Variants in SLAMF1 observed in about 807,000 individuals in gnomAD.
SLAMF1 encodes the protein signaling lymphocytic activation molecule family member 1.
SLAMF1 carries 18 observed loss-of-function variants against 35.1 expected under a neutral mutation model. That is an observed-to-expected ratio of 0.51 (90% CI 0.35 to 0.76). SLAMF1 has a LOEUF of 0.76. Among genes scored for constraint, SLAMF1 ranks in the 30% least tolerant of loss-of-function variants. The pLI is 0.01. For synonymous variants in SLAMF1, 168 were observed against 157.2 expected (o/e 1.07, Z -0.51); for missense variants, 392 against 413.0 (o/e 0.95, Z 0.44).
intron 1 of SLAMF1, among the ~76,000 whole-genome samples, chr1:160,645,852 C>T (rs1339007622): frequency 5.3e-5 from 8 of 152,136 alleles, no homozygotes; most frequent in East Asian, 3.8e-4. Flanking sequence ...TGGCATATCA[C>T]GGTGCTTTTC....
chr1:160,634,274 G>A lies in SLAMF1; in HGVS notation c.700+339C>T, dbSNP rs150622182. On this transcript the variant is annotated intron_variant, in intron 3 of 6. Coordinates refer to ENST00000302035, the MANE Select transcript of SLAMF1 (RefSeq NM_003037.5). ...CCAGCATTAGTGGAGCATAGACTTGGGAGCCAGGCCCTCCCACCTGCAATC... is the reference window on the plus strand; with the variant it reads ...CCAGCATTAGTGGAGCATAGACTTGAGAGCCAGGCCCTCCCACCTGCAATC... 7.1e-3 allele frequency: 1,897 copies of A among 268,722 alleles called. 131 individuals are homozygous for A. The Admixed American group carries it at 0.11, about 16-fold the overall frequency. The allele number at this position is 268,722 out of a possible 1,614,324, so 16.6% of individuals were successfully genotyped here. A position where few individuals can be genotyped will look rare whatever the true frequency, so the allele number is the denominator to read the frequency against.
At chr1:160,631,303 G>A (rs1035119679) in intron 3 of SLAMF1, among the ~76,000 whole-genome samples, 9 of 152,188 alleles carry the variant, frequency 5.9e-5, no homozygotes, top group Non-Finnish European at 1.2e-4. Context: ...GGAAGGTCTG[G>A]TCCCCTATCC....
chr1:160,636,064 A>T (rs189752033), intron 2 of SLAMF1, among the ~76,000 whole-genome samples: 1 of 152,248 alleles, frequency 6.6e-6, no homozygotes, highest in African/African-American at 2.4e-5. Flanking sequence ...GAAAAATGCC[A>T]TGGTTGCAGA....
Position 160,642,038 on chromosome 1 carries a change from A to AT in SLAMF1, c.77-4510dup, listed in dbSNP as rs35866477. On this transcript the variant is annotated intron_variant, in intron 1 of 6. Transcript: ENST00000302035. This position sits in a 1 kb window ranked among gnomAD's most constrained non-coding sequence, Gnocchi z 4.2. ...AACTCTTTTTGTTTTATTGTATTAT[A>AT]TTTTTTTGCCTAGCCCTGACACTTT... 2.6e-5 allele frequency among the ~76,000 whole-genome samples: 4 copies of AT among 152,076 alleles called. No individual in the cohort carries two copies. Among genetic ancestry groups the AT allele is most frequent in the Admixed American group, 6.5e-5 (1 of 15,268 alleles).
At chr1:160,629,441 G>A (rs751576212) in intron 3 of SLAMF1, among the ~76,000 whole-genome samples, 3 of 152,140 alleles carry the variant, frequency 2.0e-5, no homozygotes, top group Non-Finnish European at 4.4e-5. Flanking sequence ...TTAGCGTAAC[G>A]GTGGGAGCGT....
chr1:160,631,537 G>T (rs998898247), intron 3 of SLAMF1, among the ~76,000 whole-genome samples: 1 of 152,098 alleles, frequency 6.6e-6, no homozygotes, highest in Admixed American at 6.6e-5. Flanking sequence ...GAATATGACC[G>T]TATTTGGAGG....
intron 6 of SLAMF1, 80 bp downstream of exon 6, chr1:160,612,408 C>T: frequency 1.1e-6 from 1 of 916,294 alleles, no homozygotes; most frequent in East Asian, 2.6e-5. Context: ...CTCTTCCCAC[C>T]TTAAAAAAAA....
chr1:160,622,019 T>C (rs1054903628), intron 4 of SLAMF1, among the ~76,000 whole-genome samples: 1 of 151,626 alleles, frequency 6.6e-6, no homozygotes, highest in Non-Finnish European at 1.5e-5. Flanking sequence ...ACAAATAGAG[T>C]AGAGAACAGA....
intron 1 of SLAMF1, among the ~76,000 whole-genome samples, chr1:160,641,459 C>T (rs201637782): frequency 6.8e-6 from 1 of 147,822 alleles, no homozygotes; most frequent in Admixed American, 6.7e-5. Flanking sequence ...TAGGGAATAA[C>T]CAAAAAAATA....
At position 160,610,337 on chromosome 1, in the gene SLAMF1, A is replaced by G. The variant is rs1199668684; in HGVS notation, c.*411T>C. 2.2e-6 allele frequency: 1 copy of G among 458,186 alleles called. No homozygotes were observed. Among genetic ancestry groups the G allele is most frequent in the Admixed American group, 2.3e-5 (1 of 42,630 alleles). 28.4% of individuals were successfully genotyped at this position (458,186 alleles called of 1,614,324 possible). A position where few individuals can be genotyped will look rare whatever the true frequency, so the allele number is the denominator to read the frequency against. ...CAAAGTAAAGATAGCCAAAATGTAAACTTTTCCAGACTTTGTGACTGGTGG... is the reference window on the plus strand; with the variant it reads ...CAAAGTAAAGATAGCCAAAATGTAAGCTTTTCCAGACTTTGTGACTGGTGG... On this transcript the variant is annotated 3_prime_UTR_variant, in exon 7 of 7. Transcript: ENST00000302035.
intron 1 of SLAMF1, among the ~76,000 whole-genome samples, chr1:160,644,981 G>A (rs1204876554): frequency 1.3e-5 from 2 of 152,146 alleles, no homozygotes; most frequent in East Asian, 1.9e-4. Context: ...TTGATAATAG[G>A]GGAGGCTATG....
At chr1:160,634,323 T>C (rs1570999944) in intron 3 of SLAMF1, 8 of 870,688 alleles carry the variant, frequency 9.2e-6, no homozygotes, top group Non-Finnish European at 1.1e-5. Context: ...ACCTTGCAGG[T>C]TGGAGTCAAG....
chr1:160,618,526 C>T (rs1025535281), intron 5 of SLAMF1, among the ~76,000 whole-genome samples: 2 of 151,904 alleles, frequency 1.3e-5, no homozygotes, highest in Non-Finnish European at 2.9e-5. Context: ...ACATGCCTGC[C>T]CAGCACTCTC....
At chr1:160,629,303 GTC>G (rs10653393) in intron 3 of SLAMF1, among the ~76,000 whole-genome samples, 44 of 149,922 alleles carry the variant, frequency 2.9e-4, no homozygotes, top group Middle Eastern at 3.4e-3. Context: ...ACAGAAGCGT[GTC>G]TCTCTCTCTC....
At chr1:160,626,889 C>T (rs988535458) in intron 3 of SLAMF1, among the ~76,000 whole-genome samples, 1 of 152,176 alleles carries the variant, frequency 6.6e-6, no homozygotes, top group African/African-American at 2.4e-5. Flanking sequence ...AGCTGTCCAC[C>T]ATGCCTGCCT....
chr1:160,610,302 G>T lies in SLAMF1; in HGVS notation c.*446C>A. 2 of 456,996 alleles carry T rather than the reference G, an allele frequency of 4.4e-6. No homozygotes were observed. Among genetic ancestry groups the T allele is most frequent in the South Asian group, 3.1e-5 (2 of 64,566 alleles). 28.3% of individuals were successfully genotyped at this position (456,996 alleles called of 1,614,324 possible). A position where few individuals can be genotyped will look rare whatever the true frequency, so the allele number is the denominator to read the frequency against. On this transcript the variant is annotated 3_prime_UTR_variant, in exon 7 of 7. Transcript: ENST00000302035. ...TCAGGTCTGCAGGTTATCATGATCA[G>T]CTCCCAGAACAAAGTAAAGATAGCC...
At chr1:160,640,624 G>T (rs1168588286) in intron 1 of SLAMF1, among the ~76,000 whole-genome samples, 2 of 151,824 alleles carry the variant, frequency 1.3e-5, no homozygotes, top group Non-Finnish European at 1.5e-5. Flanking sequence ...GGACACACTG[G>T]CCCAAATATT....
intron 3 of SLAMF1, among the ~76,000 whole-genome samples, chr1:160,631,115 T>A (rs1385921148): frequency 2.0e-5 from 3 of 152,238 alleles, no homozygotes; most frequent in African/African-American, 4.8e-5. Context: ...CCTAGCACAA[T>A]GTAGAGTGTA....
intron 1 of SLAMF1, among the ~76,000 whole-genome samples, chr1:160,644,832 G>A (rs1660948198): frequency 6.6e-6 from 1 of 152,190 alleles, no homozygotes; most frequent in Non-Finnish European, 1.5e-5. Context: ...GTTAGGCCAA[G>A]TCTAGAACCC....
Sources: gnomAD v4.1 joint callset for allele counts (sites outside exome capture counted in the v4.1 genomes callset) on GRCh38, gnomAD v4.1.1 for gene constraint, Gnocchi (gnomAD v3.1) non-coding constraint, MANE v1.5 for transcripts, NCBI Gene and HGNC (gene_info 2026-07-23, HGNC 2026-07-21) for gene names.